NUBPL: variants seen among roughly 807,000 people sequenced by gnomAD.
NUBPL encodes the protein NUBP iron-sulfur cluster assembly factor, mitochondrial.
NUBPL carries 31 observed loss-of-function variants against 45.7 expected under a neutral mutation model. That is an observed-to-expected ratio of 0.68 (90% CI 0.51 to 0.92). NUBPL has a LOEUF of 0.92. Ranked by LOEUF, NUBPL falls within the 40% of genes least tolerant of loss-of-function variation. The pLI is 0.00. For synonymous variants in NUBPL, 144 were observed against 140.9 expected, an observed-to-expected ratio of 1.02 and a Z score of -0.15; for missense variants, 401 against 398.7, an observed-to-expected ratio of 1.01 and a Z score of -0.05.
At chr14:31,815,443 G>A (rs1210644081) in intron 7 of NUBPL, among the ~76,000 whole-genome samples, 8 of 152,120 alleles carry the variant, frequency 5.3e-5, no homozygotes, top group Non-Finnish European at 5.9e-5. Flanking sequence ...GGGCTGAGAC[G>A]ATGGGGTTTT....
intron 7 of NUBPL, among the ~76,000 whole-genome samples, chr14:31,800,370 A>T (rs1438521262): frequency 6.6e-6 from 1 of 152,212 alleles, no homozygotes; most frequent in African/African-American, 2.4e-5. Flanking sequence ...CCATCCTATT[A>T]TATGGGTGTG....
chr14:31,636,325 C>T (rs562046510), intron 4 of NUBPL, among the ~76,000 whole-genome samples: 3 of 151,920 alleles, frequency 2.0e-5, no homozygotes, highest in East Asian at 1.9e-4. Context: ...TGTCAAAGGC[C>T]TTTTCTGCAT....
intron 7 of NUBPL, among the ~76,000 whole-genome samples, chr14:31,798,310 T>A (rs1488816504): frequency 1.3e-5 from 2 of 150,336 alleles, no homozygotes; most frequent in African/African-American, 4.9e-5. Context: ...ATGGTTTTTT[T>A]TTTTTTTTTT....
chr14:31,740,805 C>T (rs2038266374), intron 6 of NUBPL, among the ~76,000 whole-genome samples: 1 of 152,112 alleles, frequency 6.6e-6, no homozygotes, highest in African/African-American at 2.4e-5. Flanking sequence ...TCCCCTCATC[C>T]CCCCAGTCTT....
chr14:31,573,157 G>C (rs2033633387), intron 3 of NUBPL, among the ~76,000 whole-genome samples: 1 of 152,166 alleles, frequency 6.6e-6, no homozygotes, highest in South Asian at 2.1e-4. Context: ...GTGTTGTGCT[G>C]TGATGTTATG....
Position 31,621,837 on chromosome 14 carries a change from T to G in NUBPL, c.382+22458T>G, listed in dbSNP as rs192010409. Among the ~76,000 whole-genome samples, 20 of 152,332 alleles carry G rather than the reference T, an allele frequency of 1.3e-4. No individual in the cohort carries two copies. The East Asian group carries it at 3.3e-3, about 25-fold the overall frequency. The stretch of plus-strand genomic sequence containing the variant: ...AAAATGGACTAATACAGGAAATTGG[T>G]ACCGGTAGAGTGGGGTACTCCTCTA... On this transcript the variant is annotated intron_variant, in intron 4 of 10. Transcript: ENST00000281081.
intron 6 of NUBPL, among the ~76,000 whole-genome samples, chr14:31,700,861 G>C (rs1209659920): frequency 6.6e-6 from 1 of 152,044 alleles, no homozygotes; most frequent in Non-Finnish European, 1.5e-5. Flanking sequence ...CACGGCCTGA[G>C]CCTCCCCGAC....
intron 4 of NUBPL, among the ~76,000 whole-genome samples, chr14:31,639,761 G>C (rs1361862955): frequency 1.3e-5 from 2 of 152,158 alleles, no homozygotes; most frequent in Non-Finnish European, 2.9e-5. Context: ...TGGCTGCTTT[G>C]TTTACCTAAG....
At chr14:31,791,054 A>G (rs2039372965) in intron 7 of NUBPL, among the ~76,000 whole-genome samples, 1 of 152,138 alleles carries the variant, frequency 6.6e-6, no homozygotes. Flanking sequence ...GGATCACTTG[A>G]GCCCAGGAGT....
At chr14:31,855,757 A>C (rs1389983172) in intron 10 of NUBPL, among the ~76,000 whole-genome samples, 1 of 152,170 alleles carries the variant, frequency 6.6e-6, no homozygotes, top group African/African-American at 2.4e-5. Context: ...AAAGCACTTC[A>C]TCAAGTCAGG....
chr14:31,642,983 C>A lies in NUBPL; in HGVS notation c.383-30372C>A, dbSNP rs190626394. Among the ~76,000 whole-genome samples, 11 of 152,106 alleles carry A rather than the reference C, an allele frequency of 7.2e-5. No individual in the cohort carries two copies. In the East Asian group the frequency reaches 1.9e-3, roughly 27 times the overall value. ...TTGCTGTTGGTGTATATAAGTGCTA[C>A]TGGTTTTTATATGTTGATTTTGTGT... On this transcript the variant is annotated intron_variant, in intron 4 of 10. Transcript: ENST00000281081.
At chr14:31,760,152 A>T (rs376186186) in intron 6 of NUBPL, among the ~76,000 whole-genome samples, 218 of 6,910 alleles carry the variant, frequency 0.032, 7 homozygotes, top group Middle Eastern at 0.25. Context: ...TGTGAGAGAG[A>T]GAGAGAGAGA....
At chr14:31,809,944 T>G (rs2039767576) in intron 7 of NUBPL, among the ~76,000 whole-genome samples, 1 of 152,238 alleles carries the variant, frequency 6.6e-6, no homozygotes, top group African/African-American at 2.4e-5. Context: ...AGTTTCTTAA[T>G]CCTGAGTTCT....
chr14:31,797,863 C>T (rs1354249400), intron 7 of NUBPL, among the ~76,000 whole-genome samples: 13 of 131,504 alleles, frequency 9.9e-5, no homozygotes, highest in African/African-American at 3.1e-4. Flanking sequence ...GATTTTGCAG[C>T]GGCTGGTACC....
intron 6 of NUBPL, among the ~76,000 whole-genome samples, chr14:31,760,236 T>G (rs1046149296): frequency 6.6e-6 from 1 of 151,122 alleles, no homozygotes. Context: ...CATGGCTTAC[T>G]GCAGCCATGA....
chr14:31,614,462 T>TACACACATAC (rs1007202792), intron 4 of NUBPL, among the ~76,000 whole-genome samples: 3 of 152,186 alleles, frequency 2.0e-5, no homozygotes, highest in Non-Finnish European at 4.4e-5. Context: ...AAAAAGGTTA[T>TACACACATAC]ACACACATAC....
intron 4 of NUBPL, among the ~76,000 whole-genome samples, chr14:31,655,210 A>G (rs1174168711): frequency 6.6e-6 from 1 of 152,200 alleles, no homozygotes; most frequent in Non-Finnish European, 1.5e-5. Context: ...CAATTGATAG[A>G]TCCGTTAGAG....
At chr14:31,858,471 A>C (rs532403042) in intron 10 of NUBPL, among the ~76,000 whole-genome samples, 1 of 152,262 alleles carries the variant, frequency 6.6e-6, no homozygotes, top group Non-Finnish European at 1.5e-5. Flanking sequence ...TAAAATGCAA[A>C]TATCATTACC....
chr14:31,666,928 G>A (rs1316377677), intron 4 of NUBPL, among the ~76,000 whole-genome samples: 1 of 152,164 alleles, frequency 6.6e-6, no homozygotes, highest in African/African-American at 2.4e-5. Flanking sequence ...TCTACTGTTA[G>A]TCTGATGGGC....
Sources: allele counts gnomAD v4.1 joint callset (sites outside exome capture counted in the v4.1 genomes callset), GRCh38; gene constraint gnomAD v4.1.1; transcripts MANE v1.5; gene names NCBI Gene and HGNC (gene_info 2026-07-23, HGNC 2026-07-21).